Variants in SLC25A53 observed in about 807,000 individuals in gnomAD.
The protein encoded by SLC25A53 is mitochondrial carrier triple repeat protein 6.
In SLC25A53, 5 loss-of-function variants were observed where a neutral mutation model predicts 15.0. The observed-to-expected ratio is 0.33, with a 90% CI of 0.17 to 0.70. SLC25A53 has a LOEUF of 0.70. Among genes scored for constraint, SLC25A53 ranks in the 30% least tolerant of loss-of-function variants. SLC25A53 has a pLI of 0.67. For missense variants in SLC25A53, 216 were observed against 241.6 expected (o/e 0.89, Z 0.70); for synonymous variants, 95 against 100.0 (o/e 0.95, Z 0.30).
At chrX:104,120,123 G>A (rs782102087) in intron 1 of SLC25A53, among the ~76,000 whole-genome samples, 1 of 111,443 alleles carries the variant, frequency 9.0e-6, no homozygotes, top group African/African-American at 3.3e-5. Flanking sequence ...TTTTACTGTC[G>A]GTGGACATTT....
intron 1 of SLC25A53, among the ~76,000 whole-genome samples, chrX:104,129,029 C>T (rs910643498): frequency 9.0e-5 from 10 of 111,464 alleles, no homozygotes; most frequent in Non-Finnish European, 1.3e-4. Flanking sequence ...AAATTATATG[C>T]AGTATTTTAT....
At position 104,137,391 on chromosome X, in the gene SLC25A53, C is replaced by T. The variant is rs187598170; in HGVS notation, c.-32+19487G>A. Among the ~76,000 whole-genome samples, 9 of 110,620 alleles carry T rather than the reference C, an allele frequency of 8.1e-5. No homozygotes were observed. In the East Asian group the frequency reaches 8.5e-4, roughly 10 times the overall value. ...GAATCTCACCTAACCCCTGGAGATA[C>T]GCTCTGCTTGATCCCTGCCTCTACT... On this transcript the variant is annotated intron_variant, in intron 1 of 1. Transcript: ENST00000594199.
intron 1 of SLC25A53, among the ~76,000 whole-genome samples, chrX:104,148,988 G>A (rs190022818): frequency 0.032 from 3,563 of 112,081 alleles, 63 homozygotes; most frequent in Non-Finnish European, 0.051. Flanking sequence ...TATTTTAAAA[G>A]GAGGCACAAT....
chrX:104,155,181 C>CA (rs1379778395), intron 1 of SLC25A53, among the ~76,000 whole-genome samples: 11 of 106,774 alleles, frequency 1.0e-4, no homozygotes, highest in African/African-American at 3.4e-4. Flanking sequence ...TTTTTTGAGA[C>CA]AGAGTCTCAC....
chrX:104,125,185 G>A lies in SLC25A53; in HGVS notation c.-31-19897C>T, dbSNP rs192900200. 7.5e-3 allele frequency among the ~76,000 whole-genome samples: 802 copies of A among 106,830 alleles called. 3 individuals carry two copies. The highest frequency in any genetic ancestry group is 0.013 in the Non-Finnish European group (655 of 51,493). 92.8% of individuals were successfully genotyped at this position (106,830 alleles called of 115,157 possible). A position where few individuals can be genotyped will look rare whatever the true frequency, so the allele number is the denominator to read the frequency against. ...AACACAGAAAGGGGAATAAGTAGAA[G>A]TGAAAGTTCCCCAGCTTCCCACAGT... On this transcript the variant is annotated intron_variant, in intron 1 of 1. Coordinates refer to ENST00000594199, the MANE Select transcript of SLC25A53 (RefSeq NM_001012755.5).
intron 1 of SLC25A53, among the ~76,000 whole-genome samples, chrX:104,141,982 T>G (rs2075451817): frequency 8.9e-6 from 1 of 112,083 alleles, no homozygotes; most frequent in Non-Finnish European, 1.9e-5. Flanking sequence ...TATGGAGACT[T>G]TAAAAGTGAA....
At chrX:104,117,264 C>A (rs1256355240) in intron 1 of SLC25A53, among the ~76,000 whole-genome samples, 1 of 105,608 alleles carries the variant, frequency 9.5e-6, no homozygotes, top group Admixed American at 1.0e-4. Flanking sequence ...AATCTCATTC[C>A]TATCCCCCTT....
At chrX:104,122,295 CTTTT>C (rs1220318845) in intron 1 of SLC25A53, among the ~76,000 whole-genome samples, 40 of 90,737 alleles carry the variant, frequency 4.4e-4, no homozygotes, top group Non-Finnish European at 8.0e-4. Context: ...TGTCTGATTT[CTTTT>C]TTTTGTTTTT....
intron 1 of SLC25A53, among the ~76,000 whole-genome samples, chrX:104,154,950 T>C (rs1556371121): frequency 8.9e-6 from 1 of 112,145 alleles, no homozygotes; most frequent in Non-Finnish European, 1.9e-5. Flanking sequence ...TTACCTTGAT[T>C]TAATCATTCT....
At chrX:104,155,324 G>A (rs1265023266) in intron 1 of SLC25A53, among the ~76,000 whole-genome samples, 3 of 110,714 alleles carry the variant, frequency 2.7e-5, no homozygotes, top group Non-Finnish European at 5.7e-5. Context: ...AGTTCTCCAA[G>A]TATGGCCCCA....
intron 1 of SLC25A53, among the ~76,000 whole-genome samples, chrX:104,135,858 C>T (rs190299728): frequency 1.8e-5 from 2 of 112,017 alleles, no homozygotes; most frequent in East Asian, 5.6e-4. Context: ...AAGGAATTTA[C>T]CATCTATCTG....
chrX:104,112,417 A>C (rs782800709), intron 1 of SLC25A53: 1 of 113,891 alleles, frequency 8.8e-6, no homozygotes, highest in Non-Finnish European at 1.9e-5. Context: ...CCCGCCGGCC[A>C]GCCGGCCCGC....
intron 1 of SLC25A53, among the ~76,000 whole-genome samples, chrX:104,153,837 C>T (rs1448447813): frequency 1.8e-5 from 2 of 112,098 alleles, no homozygotes; most frequent in East Asian, 2.8e-4. Context: ...ACAACAAAAA[C>T]ACATCCATTT....
intron 1 of SLC25A53, among the ~76,000 whole-genome samples, chrX:104,133,018 C>G (rs2075429209): frequency 1.8e-5 from 2 of 111,982 alleles, no homozygotes; most frequent in South Asian, 7.4e-4. Context: ...TGCTGCCTGC[C>G]ATGAGGGAGA....
chrX:104,127,002 AT>A (rs1284538054), intron 1 of SLC25A53, among the ~76,000 whole-genome samples: 3 of 112,504 alleles, frequency 2.7e-5, no homozygotes, highest in African/African-American at 9.7e-5. Context: ...ATTCCTGGGC[AT>A]TTATCCCAGA....
chrX:104,104,740 C>T lies in SLC25A53; in HGVS notation c.518G>A (p.Gly173Asp). 1 of 1,211,632 alleles carries T rather than the reference C, an allele frequency of 8.3e-7. No individual in the cohort carries two copies. Among genetic ancestry groups the T allele is most frequent in the Non-Finnish European group, 1.1e-6 (1 of 895,521 alleles). ...SYGLWGRLSL[G>D]YYRGFWPVLA... is the part of the protein sequence containing the mutation. ...GACAGGCCAGAAACCACGATAGTAGCCCAGTGACAGCCGCCCCCAAAGCCC... is the reference window on the plus strand; with the variant it reads ...GACAGGCCAGAAACCACGATAGTAGTCCAGTGACAGCCGCCCCCAAAGCCC... Residue 173 changes from glycine to aspartate, a missense_variant, in exon 2 of 2, where the codon GGC (glycine) becomes GAC (aspartate). Transcript: ENST00000594199.
intron 1 of SLC25A53, among the ~76,000 whole-genome samples, chrX:104,151,807 G>A (rs1226910566): frequency 8.9e-6 from 1 of 111,897 alleles, no homozygotes; most frequent in Non-Finnish European, 1.9e-5. Context: ...CATCATTTAG[G>A]AAATGGAGCT....
intron 1 of SLC25A53, chrX:104,114,214 C>A (rs781911524): frequency 1.7e-6 from 2 of 1,208,269 alleles, no homozygotes; most frequent in East Asian, 3.0e-5. Flanking sequence ...GAGTCTCTGT[C>A]CTTTAGTGGT....
chrX:104,122,255 AG>A (rs1478272725), intron 1 of SLC25A53, among the ~76,000 whole-genome samples: 6 of 103,573 alleles, frequency 5.8e-5, no homozygotes, highest in Non-Finnish European at 1.2e-4. Flanking sequence ...ATTTTTCCAG[AG>A]GTTTATTAGT....
Sources: allele counts gnomAD v4.1 joint callset (sites outside exome capture counted in the v4.1 genomes callset), GRCh38; gene constraint gnomAD v4.1.1; transcripts MANE v1.5; gene names NCBI Gene and HGNC (gene_info 2026-07-23, HGNC 2026-07-21).